Variants in DGKB observed in about 807,000 individuals in gnomAD.
The protein encoded by DGKB is diacylglycerol kinase beta, also known as 90 kDa diacylglycerol kinase.
DGKB carries 67 observed loss-of-function variants against 114.3 expected under a neutral mutation model. The ratio of observed to expected loss-of-function variants is 0.59; its 90% CI spans 0.48 to 0.72. The LOEUF (loss-of-function observed/expected upper bound fraction) is 0.72, where lower values mean the gene tolerates loss of function less well. Among genes scored for constraint, DGKB ranks in the 30% least tolerant of loss-of-function variants. The probability of loss-of-function intolerance (pLI) is 0.00; values close to 1 mark genes in which losing one functional copy is unlikely to be tolerated. For missense variants in DGKB, 907 were observed against 975.2 expected (o/e 0.93, Z 0.93); for synonymous variants, 398 against 323.1 (o/e 1.23, Z -2.49).
At chr7:14,616,227 C>CAT (rs374465564) in intron 15 of DGKB, among the ~76,000 whole-genome samples, 2,550 of 146,892 alleles carry the variant, frequency 0.017, 35 homozygotes, top group South Asian at 0.027. Context: ...TACATATATA[C>CAT]ATATATATAT....
At chr7:14,645,377 G>C (rs1812740846) in intron 13 of DGKB, among the ~76,000 whole-genome samples, 1 of 152,030 alleles carries the variant, frequency 6.6e-6, no homozygotes, top group African/African-American at 2.4e-5. Context: ...GCTATAGGTG[G>C]TGAGAATAAA....
At chr7:14,685,197 C>T (rs1188366807) in intron 10 of DGKB, 48 bp downstream of exon 10, 1 of 1,258,062 alleles carries the variant, frequency 7.9e-7, no homozygotes, top group African/African-American at 1.5e-5. Flanking sequence ...TGAAATCAAC[C>T]TTTCCTCACT....
intron 23 of DGKB, among the ~76,000 whole-genome samples, chr7:14,328,018 A>T (rs1809055137): frequency 6.6e-6 from 1 of 152,092 alleles, no homozygotes; most frequent in Non-Finnish European, 1.5e-5. Context: ...ATGACTTTTT[A>T]ATTTTGAAAA....
intron 21 of DGKB, among the ~76,000 whole-genome samples, chr7:14,421,890 C>T (rs1339939102): frequency 6.6e-6 from 1 of 151,766 alleles, no homozygotes. Context: ...ATTTAAGTGC[C>T]AATATTAAAT....
chr7:14,388,945 C>G (rs1186300320), intron 21 of DGKB, among the ~76,000 whole-genome samples: 1 of 152,170 alleles, frequency 6.6e-6, no homozygotes, highest in Non-Finnish European at 1.5e-5. Context: ...TTAACTCATT[C>G]TAAGCATGAA....
At chr7:14,388,973 T>C (rs762837921) in intron 21 of DGKB, among the ~76,000 whole-genome samples, 8 of 152,242 alleles carry the variant, frequency 5.3e-5, no homozygotes, top group Admixed American at 3.3e-4. Flanking sequence ...ACTCTTGGAA[T>C]GATCATTTAA....
chr7:14,468,592 T>C (rs1326013134), intron 21 of DGKB, among the ~76,000 whole-genome samples: 1 of 151,364 alleles, frequency 6.6e-6, no homozygotes, highest in Non-Finnish European at 1.5e-5. Flanking sequence ...ATATATATAT[T>C]GTTGTCAGCT....
At chr7:14,938,309 A>G (rs17372567) in intron 1 of DGKB, among the ~76,000 whole-genome samples, 20,565 of 152,222 alleles carry the variant, frequency 0.14, 1,480 homozygotes, top group Admixed American at 0.19. Flanking sequence ...TAAGAGATTA[A>G]ACAGAATACA....
chr7:14,866,297 A>C (rs556200235), intron 1 of DGKB, among the ~76,000 whole-genome samples: 2 of 152,054 alleles, frequency 1.3e-5, no homozygotes, highest in Non-Finnish European at 2.9e-5. Context: ...TTACATTAGG[A>C]TCTCTCTTGC....
At chr7:14,234,717 C>T (rs1048192130) in intron 23 of DGKB, among the ~76,000 whole-genome samples, 2 of 151,988 alleles carry the variant, frequency 1.3e-5, no homozygotes, top group African/African-American at 2.4e-5. Flanking sequence ...TTTCTATTGG[C>T]AGCAGTAAAA....
intron 20 of DGKB, among the ~76,000 whole-genome samples, chr7:14,492,265 T>A (rs991432912): frequency 2.6e-5 from 4 of 152,010 alleles, no homozygotes; most frequent in African/African-American, 9.7e-5. Context: ...GGAACAATAA[T>A]GTGAACAGGT....
intron 23 of DGKB, among the ~76,000 whole-genome samples, chr7:14,222,508 A>G (rs1461903502): frequency 6.6e-6 from 1 of 150,866 alleles, no homozygotes; most frequent in African/African-American, 2.4e-5. Flanking sequence ...GTTTTGTATT[A>G]TTTTTCATCT....
chr7:14,423,525 C>T (rs776412115), intron 21 of DGKB, among the ~76,000 whole-genome samples: 3 of 152,022 alleles, frequency 2.0e-5, no homozygotes, highest in East Asian at 1.9e-4. Context: ...TCTAAGTGCA[C>T]GTACATTTTT....
At chr7:14,914,675 A>G (rs1587371358) in intron 1 of DGKB, among the ~76,000 whole-genome samples, 1 of 152,196 alleles carries the variant, frequency 6.6e-6, no homozygotes, top group Non-Finnish European at 1.5e-5. Flanking sequence ...AACTAGACTC[A>G]GATATGACAC....
At chr7:14,280,619 G>C (rs1165918904) in intron 23 of DGKB, among the ~76,000 whole-genome samples, 1 of 151,164 alleles carries the variant, frequency 6.6e-6, no homozygotes, top group Admixed American at 6.6e-5. Flanking sequence ...AGAAAGGTCG[G>C]GTTCCCCTCA....
intron 21 of DGKB, among the ~76,000 whole-genome samples, chr7:14,408,527 G>A (rs578159456): frequency 6.6e-6 from 1 of 152,170 alleles, no homozygotes; most frequent in South Asian, 2.1e-4. Flanking sequence ...TATATATTGA[G>A]GTGCAGGCAA....
intron 23 of DGKB, among the ~76,000 whole-genome samples, chr7:14,283,852 C>T (rs1427745813): frequency 6.6e-6 from 1 of 151,866 alleles, no homozygotes; most frequent in African/African-American, 2.4e-5. Flanking sequence ...ACACCTTATA[C>T]AAAAATCAAT....
intron 21 of DGKB, among the ~76,000 whole-genome samples, chr7:14,351,909 G>C (rs796402036): frequency 6.6e-6 from 1 of 151,928 alleles, no homozygotes; most frequent in Non-Finnish European, 1.5e-5. Flanking sequence ...CTTTTTTTTG[G>C]AGTAAGAGAA....
rs570404054 is a variant in DGKB, at chr7:14,451,231, G to C, written c.1835+26930C>G. On this transcript the variant is annotated intron_variant, in intron 21 of 25. Transcript: ENST00000402815. ...AGATCACCATTTGAATTGGTAGACA[G>C]AGTAAAGCAGATTGCCCTTCACAAT... Among the ~76,000 whole-genome samples the C allele has an allele frequency of 3.9e-5, 6 of 152,108 alleles. 1 individual carries two copies. Among genetic ancestry groups the C allele is most frequent in the Admixed American group, 3.9e-4 (6 of 15,246 alleles).
Sources: gnomAD v4.1 joint callset for allele counts (sites outside exome capture counted in the v4.1 genomes callset) on GRCh38, gnomAD v4.1.1 for gene constraint, MANE v1.5 for transcripts, NCBI Gene and HGNC (gene_info 2026-07-23, HGNC 2026-07-21) for gene names.